Variants in TNNT3 observed in about 807,000 individuals in gnomAD.
TNNT3 encodes troponin T3, fast skeletal type.
TNNT3 carries 36 observed loss-of-function variants against 54.2 expected under a neutral mutation model. That is an observed-to-expected ratio of 0.66 (90% CI 0.51 to 0.88). The LOEUF (loss-of-function observed/expected upper bound fraction) is 0.88, where lower values mean the gene tolerates loss of function less well. Among genes scored for constraint, TNNT3 ranks in the 40% least tolerant of loss-of-function variants. The pLI is 0.00. For missense variants in TNNT3, 291 were observed against 331.6 expected, an observed-to-expected ratio of 0.88 and a Z score of 0.95; for synonymous variants, 120 against 109.7, an observed-to-expected ratio of 1.09 and a Z score of -0.59.
chr11:1,932,120 G>A (rs1467732434), intron 8 of TNNT3, among the ~76,000 whole-genome samples: 2 of 152,208 alleles, frequency 1.3e-5, no homozygotes, highest in South Asian at 2.1e-4. Context: ...AGTGGCCATC[G>A]CTTCTCACCC....
chr11:1,938,350 C>A, intron 15 of TNNT3, 88 bp from the exon 16 acceptor site: 4 of 1,436,350 alleles, frequency 2.8e-6, no homozygotes, highest in African/African-American at 2.8e-5. Flanking sequence ...AGCCTGGGGT[C>A]GGGCTGAGAG....
chr11:1,931,027 G>A (rs536866264), intron 8 of TNNT3, among the ~76,000 whole-genome samples: 1 of 152,012 alleles, frequency 6.6e-6, no homozygotes, highest in Non-Finnish European at 1.5e-5. Flanking sequence ...ATTTAAAGTC[G>A]GCCTTGTTTT....
chr11:1,934,518 C>T, intron 12 of TNNT3, 28 bp from the exon 13 acceptor site: 1 of 1,606,886 alleles, frequency 6.2e-7, no homozygotes, highest in Non-Finnish European at 8.5e-7. Flanking sequence ...TGAGACCAGG[C>T]CCCTCTCTTT....
chr11:1,936,266 G>A lies in TNNT3; in HGVS notation c.682-697G>A, dbSNP rs370608680. On this transcript the variant is annotated intron_variant, in intron 14 of 15. Coordinates refer to ENST00000278317, the MANE Select transcript of TNNT3 (RefSeq NM_006757.4). ...ATGCTGGCCAAGTTGTAAGTAGCCG[G>A]GTCCGCCCTGGGCCAGGCCCGTGGG... 4 of 1,613,722 alleles carry A rather than the reference G, an allele frequency of 2.5e-6. No individual in the cohort carries two copies. The African/African-American group carries it at 4.0e-5, about 16-fold the overall frequency.
chr11:1,925,134 C>T lies in TNNT3; in HGVS notation c.67+18C>T. 6.2e-7 allele frequency: 1 copy of T among 1,612,092 alleles called. No homozygotes were observed. Among genetic ancestry groups the T allele is most frequent in the Non-Finnish European group, 8.5e-7 (1 of 1,179,322 alleles). On this transcript the variant is annotated intron_variant, in intron 5 of 15. Coordinates refer to ENST00000278317, the MANE Select transcript of TNNT3 (RefSeq NM_006757.4). Reference sequence around the variant, plus strand: ...GGAGGAAGGTAAGTGGGGTCCAAGGCCCCGGCCCCCATGCCCACTCCCCAG... The same window carrying T: ...GGAGGAAGGTAAGTGGGGTCCAAGGTCCCGGCCCCCATGCCCACTCCCCAG...
At chr11:1,935,805 C>A (rs2133500573) in intron 14 of TNNT3, among the ~76,000 whole-genome samples, 1 of 152,150 alleles carries the variant, frequency 6.6e-6, no homozygotes, top group East Asian at 1.9e-4. Flanking sequence ...GTGGGGCGAC[C>A]AGTCCAAGCC....
chr11:1,928,122 C>G (rs1310929362), intron 6 of TNNT3: 2 of 152,852 alleles, frequency 1.3e-5, no homozygotes, highest in African/African-American at 4.8e-5. Context: ...CGGGCCCAGG[C>G]CTGCTGGCCT....
At position 1,935,970 on chromosome 11, in the gene TNNT3, C is replaced by T. The variant is rs531184434; in HGVS notation, c.682-993C>T. ...CAGGCATGAGGGACAGCCCTGACCT[C>T]ACCCTTGGGGCTCTCCCAGAGGGGC... On this transcript the variant is annotated intron_variant, in intron 14 of 15. Coordinates refer to ENST00000278317, the MANE Select transcript of TNNT3 (RefSeq NM_006757.4). Among the ~76,000 whole-genome samples, 19 of 152,328 alleles carry T rather than the reference C, an allele frequency of 1.2e-4. No individual in the cohort carries two copies. In the East Asian group the frequency reaches 3.3e-3, roughly 26 times the overall value.
upstream of TNNT3, chr11:1,919,596 G>GC (rs886048104): frequency 1.5e-3 from 226 of 152,114 alleles, no homozygotes; most frequent in African/African-American, 3.8e-3. Context: ...CACGGGCATA[G>GC]CCCCCCCCAG....
chr11:1,928,837 C>A (rs1589939397), intron 6 of TNNT3: 1 of 490,930 alleles, frequency 2.0e-6, no homozygotes, highest in Non-Finnish European at 3.7e-6. Context: ...CCTTAGCCCC[C>A]CACCTTGCCC....
intron 6 of TNNT3, among the ~76,000 whole-genome samples, 163 bp downstream of exon 6, chr11:1,926,872 G>C (rs1382832225): frequency 6.6e-6 from 1 of 152,226 alleles, no homozygotes; most frequent in East Asian, 1.9e-4. Flanking sequence ...CTTGGGAAGG[G>C]CTGGCCGGTA....
chr11:1,934,519 C>T (rs1224918512), intron 12 of TNNT3, 27 bp from the exon 13 acceptor site: 10 of 1,607,124 alleles, frequency 6.2e-6, no homozygotes, highest in African/African-American at 1.3e-5. Flanking sequence ...GAGACCAGGC[C>T]CCTCTCTTTG....
intron 14 of TNNT3, 94 bp downstream of exon 14, chr11:1,935,013 G>A: frequency 8.2e-7 from 1 of 1,223,940 alleles, no homozygotes; most frequent in Non-Finnish European, 1.2e-6. Flanking sequence ...CTCTGGACCT[G>A]CCCACCCCAG....
chr11:1,922,374 G>A (rs979577459), intron 1 of TNNT3, among the ~76,000 whole-genome samples: 7 of 152,010 alleles, frequency 4.6e-5, no homozygotes, highest in African/African-American at 1.7e-4. Context: ...AGCCAGTCTC[G>A]GTCATCCAGG....
intron 1 of TNNT3, among the ~76,000 whole-genome samples, 194 bp downstream of exon 1, chr11:1,919,956 G>A (rs887690810): frequency 1.3e-5 from 2 of 152,228 alleles, no homozygotes; most frequent in Non-Finnish European, 2.9e-5. Context: ...GAGAGTCTGG[G>A]ATGCGGACAT....
At chr11:1,930,069 G>A (rs1465037061) in intron 8 of TNNT3, among the ~76,000 whole-genome samples, 3 of 152,212 alleles carry the variant, frequency 2.0e-5, no homozygotes, top group Non-Finnish European at 4.4e-5. Context: ...AGGGTGGGAG[G>A]GATGAGGGTC....
Position 1,934,581 on chromosome 11 carries a change from G to A in TNNT3, c.516G>A (p.Arg172=). The A allele has an allele frequency of 6.2e-7, 1 of 1,609,908 alleles. No individual in the cohort carries two copies. Among genetic ancestry groups the A allele is most frequent in the Non-Finnish European group, 8.5e-7 (1 of 1,178,570 alleles). ...AGAGAGGCAAGAAGCAGACAGCCCG[G>A]GAAATGAAGAAGAAGATTCTGGCTG... is the stretch of plus-strand genomic sequence containing the variant. ...DQKRGKKQTA[R]EMKKKILAER... The change falls in exon 13 of 16, where the codon CGG becomes CGA. Residue 172 remains arginine, a synonymous_variant. Coordinates refer to ENST00000278317, the MANE Select transcript of TNNT3 (RefSeq NM_006757.4).
intron 7 of TNNT3, 105 bp downstream of exon 7, chr11:1,929,248 C>G: frequency 7.3e-7 from 1 of 1,376,180 alleles, no homozygotes; most frequent in Non-Finnish European, 1.0e-6. Flanking sequence ...CCTCCTCCCT[C>G]TGTCCTCTTT....
intron 14 of TNNT3, chr11:1,935,245 C>T (rs1854632414): frequency 1.4e-5 from 6 of 434,610 alleles, no homozygotes; most frequent in Non-Finnish European, 2.1e-5. Flanking sequence ...TTTTCGGAAC[C>T]CCTTTAAGCT....
Sources: gnomAD v4.1 joint callset for allele counts (sites outside exome capture counted in the v4.1 genomes callset) on GRCh38, gnomAD v4.1.1 for gene constraint, MANE v1.5 for transcripts, NCBI Gene and HGNC (gene_info 2026-07-23, HGNC 2026-07-21) for gene names.